The following RYK variants were observed in gnomAD, a reference collection of about 807,000 sequenced individuals.
The protein encoded by RYK is inactive tyrosine-protein kinase RYK.
A neutral mutation model predicts 70.2 loss-of-function variants in RYK; 21 were observed. The ratio of observed to expected loss-of-function variants is 0.30; its 90% CI spans 0.21 to 0.43. The LOEUF (loss-of-function observed/expected upper bound fraction) is 0.43, where lower values mean the gene tolerates loss of function less well. Among genes scored for constraint, RYK ranks in the 20% least tolerant of loss-of-function variants. RYK has a pLI of 1.00. For synonymous variants in RYK, 267 were observed against 278.0 expected (o/e 0.96, Z 0.39); for missense variants, 604 against 753.3 (o/e 0.80, Z 2.32).
intron 13 of RYK, among the ~76,000 whole-genome samples, 173 bp from the exon 14 acceptor site, chr3:134,159,546 A>T (rs1178583472): frequency 6.6e-6 from 1 of 150,524 alleles, no homozygotes; most frequent in East Asian, 1.9e-4. Context: ...TTGCTAAGAT[A>T]AAAAAGAGTG....
intron 1 of RYK, among the ~76,000 whole-genome samples, chr3:134,223,791 A>G (rs2014806606): frequency 6.6e-6 from 1 of 152,148 alleles, no homozygotes; most frequent in East Asian, 1.9e-4. Flanking sequence ...TACTGAGGAG[A>G]ACAGCCAAAA....
chr3:134,161,027 T>C (rs1015848747), intron 13 of RYK, among the ~76,000 whole-genome samples: 1 of 152,208 alleles, frequency 6.6e-6, no homozygotes, highest in Non-Finnish European at 1.5e-5. Flanking sequence ...AAAGAAAATA[T>C]ACCACATGGA....
intron 7 of RYK, among the ~76,000 whole-genome samples, chr3:134,193,885 T>A (rs2013727747): frequency 6.6e-6 from 1 of 152,184 alleles, no homozygotes; most frequent in Admixed American, 6.5e-5. Flanking sequence ...AGATCCAGGT[T>A]AACTTGTAGG....
At chr3:134,195,694 C>T (rs2013789081) in intron 6 of RYK, among the ~76,000 whole-genome samples, 1 of 152,188 alleles carries the variant, frequency 6.6e-6, no homozygotes, top group South Asian at 2.1e-4. Flanking sequence ...CGCCTGTAAT[C>T]CCAACACTTT....
At chr3:134,201,061 T>A (rs1423314093) in intron 6 of RYK, among the ~76,000 whole-genome samples, 1 of 152,244 alleles carries the variant, frequency 6.6e-6, no homozygotes, top group Non-Finnish European at 1.5e-5. Context: ...ATATCAAGAC[T>A]GACTTCCAAA....
At chr3:134,184,860 C>A (rs2013411745) in intron 9 of RYK, among the ~76,000 whole-genome samples, 1 of 151,196 alleles carries the variant, frequency 6.6e-6, no homozygotes, top group African/African-American at 2.4e-5. Context: ...TTCTTAAAAA[C>A]CCTTTCAAAG....
At chr3:134,198,993 A>T (rs887884873) in intron 6 of RYK, among the ~76,000 whole-genome samples, 2 of 152,214 alleles carry the variant, frequency 1.3e-5, no homozygotes, top group Non-Finnish European at 2.9e-5. Context: ...ACTTTCCCAC[A>T]GTCACAAACT....
At chr3:134,205,215 C>A (rs2014178934) in intron 5 of RYK, among the ~76,000 whole-genome samples, 1 of 152,138 alleles carries the variant, frequency 6.6e-6, no homozygotes, top group Admixed American at 6.5e-5. Flanking sequence ...CTCATATCTC[C>A]ATGCACAGAC....
At chr3:134,177,216 C>T (rs1437541700) in intron 11 of RYK, among the ~76,000 whole-genome samples, 2 of 152,168 alleles carry the variant, frequency 1.3e-5, no homozygotes, top group South Asian at 2.1e-4. Flanking sequence ...CCTCTAACCA[C>T]TTATTGAGAA....
At chr3:134,219,249 C>G (rs1364647457) in intron 2 of RYK, among the ~76,000 whole-genome samples, 1 of 152,184 alleles carries the variant, frequency 6.6e-6, no homozygotes, top group Non-Finnish European at 1.5e-5. Context: ...TCCAACTTCC[C>G]CCTGTAACAG....
intron 2 of RYK, among the ~76,000 whole-genome samples, chr3:134,214,101 C>T (rs1157857082): frequency 3.3e-5 from 5 of 152,148 alleles, no homozygotes; most frequent in African/African-American, 4.8e-5. Context: ...GCCACCGCGC[C>T]CGGCCGAAGC....
chr3:134,221,940 G>A (rs11925021), intron 2 of RYK, among the ~76,000 whole-genome samples: 13,037 of 152,172 alleles, frequency 0.086, 1,154 homozygotes, highest in South Asian at 0.32. Context: ...TAGCCCTTAT[G>A]GGTAAAGAAG....
intron 2 of RYK, among the ~76,000 whole-genome samples, chr3:134,216,792 C>CAAAAAAAAAAAAAAAAA (rs61441674): frequency 8.0e-5 from 3 of 37,426 alleles, no homozygotes; most frequent in African/African-American, 1.0e-4. Context: ...GACTCTGTCT[C>CAAAAAAAAAAAAAAAAA]AAAAAAAAAA....
At chr3:134,186,659 C>G (rs928742282) in intron 9 of RYK, among the ~76,000 whole-genome samples, 3 of 152,154 alleles carry the variant, frequency 2.0e-5, no homozygotes, top group Non-Finnish European at 4.4e-5. Context: ...GACTACAAGT[C>G]AAGCATATAC....
chr3:134,164,700 C>T (rs1471074270), intron 13 of RYK, among the ~76,000 whole-genome samples: 1 of 152,214 alleles, frequency 6.6e-6, no homozygotes, highest in Non-Finnish European at 1.5e-5. Flanking sequence ...AAAAATAAAG[C>T]TGCTATGAAC....
At chr3:134,171,069 A>T (rs1442420376) in intron 13 of RYK, 5 of 152,304 alleles carry the variant, frequency 3.3e-5, no homozygotes, top group Admixed American at 2.0e-4. Context: ...GAAGAGGCGG[A>T]GGAGGAGAAT....
At chr3:134,170,251 G>A (rs948520722) in intron 13 of RYK, among the ~76,000 whole-genome samples, 2 of 152,318 alleles carry the variant, frequency 1.3e-5, no homozygotes, top group Middle Eastern at 3.4e-3. Flanking sequence ...AGTTAACCAC[G>A]TTAAATGCAA....
At chr3:134,172,765 TTTTC>T (rs2012962832) in intron 13 of RYK, among the ~76,000 whole-genome samples, 1 of 152,208 alleles carries the variant, frequency 6.6e-6, no homozygotes, top group South Asian at 2.1e-4. Context: ...GAGAGAGATT[TTTTC>T]TTTATCATCA....
chr3:134,246,937 T>C (rs916884659), intron 1 of RYK, among the ~76,000 whole-genome samples: 1 of 151,808 alleles, frequency 6.6e-6, no homozygotes, highest in Non-Finnish European at 1.5e-5. Context: ...AAGAAGTCTC[T>C]AAGAGGAAAC....
Sources: allele counts gnomAD v4.1 joint callset (sites outside exome capture counted in the v4.1 genomes callset), GRCh38; gene constraint gnomAD v4.1.1; transcripts MANE v1.5; gene names NCBI Gene and HGNC (gene_info 2026-07-23, HGNC 2026-07-21).